ASTN2: variants seen among roughly 807,000 people sequenced by gnomAD.
ASTN2 encodes astrotactin-2.
Under a neutral mutation model 139.8 loss-of-function variants are expected in ASTN2, and 54 were observed. The ratio of observed to expected loss-of-function variants is 0.39; its 90% CI spans 0.31 to 0.48. The LOEUF (loss-of-function observed/expected upper bound fraction) is 0.48, where lower values mean the gene tolerates loss of function less well. Ranked by LOEUF, ASTN2 falls within the 20% of genes least tolerant of loss-of-function variation. The probability of loss-of-function intolerance (pLI) is 0.95; values close to 1 mark genes in which losing one functional copy is unlikely to be tolerated. For missense variants in ASTN2, 1,565 were observed against 1,725.1 expected (o/e 0.91, Z 1.64); for synonymous variants, 756 against 719.5 (o/e 1.05, Z -0.81).
At chr9:116,790,959 GA>G (rs1830517930) in intron 13 of ASTN2, among the ~76,000 whole-genome samples, 1 of 99,032 alleles carries the variant, frequency 1.0e-5, no homozygotes, top group Non-Finnish European at 2.0e-5. Flanking sequence ...AGAAAGAAAA[GA>G]AAGAAGGAAA....
chr9:116,978,493 A>ATG (rs1554766673), intron 7 of ASTN2, among the ~76,000 whole-genome samples: 4 of 123,230 alleles, frequency 3.2e-5, no homozygotes, highest in African/African-American at 1.4e-4. Flanking sequence ...TCTCTCTCTC[A>ATG]CGCACACACA....
At chr9:116,724,981 G>A (rs1197424122) in intron 16 of ASTN2, among the ~76,000 whole-genome samples, 1 of 152,166 alleles carries the variant, frequency 6.6e-6, no homozygotes, top group Admixed American at 6.5e-5. Flanking sequence ...ATTTTCTCAT[G>A]TGTAAAATGG....
intron 2 of ASTN2, among the ~76,000 whole-genome samples, chr9:117,257,710 A>G (rs1331321034): frequency 1.3e-5 from 2 of 152,234 alleles, no homozygotes; most frequent in East Asian, 3.9e-4. Flanking sequence ...TCCACTGTCA[A>G]GCTGGGGAAA....
chr9:116,860,621 C>T (rs1432006572), intron 11 of ASTN2, among the ~76,000 whole-genome samples: 3 of 152,198 alleles, frequency 2.0e-5, no homozygotes, highest in Admixed American at 6.5e-5. Context: ...AACGAGAACT[C>T]ATCTCAGCTC....
intron 4 of ASTN2, among the ~76,000 whole-genome samples, chr9:117,127,101 G>T (rs570545493): frequency 6.6e-6 from 1 of 152,322 alleles, no homozygotes; most frequent in African/African-American, 2.4e-5. Context: ...CACAGATGCT[G>T]ATCTAAGAAT....
chr9:116,787,954 C>G (rs1564267151), intron 13 of ASTN2, among the ~76,000 whole-genome samples: 1 of 152,152 alleles, frequency 6.6e-6, no homozygotes. Context: ...ACTCTCTGTA[C>G]TATCTTTGTG....
At chr9:116,590,106 T>C (rs1854318817) in intron 19 of ASTN2, among the ~76,000 whole-genome samples, 1 of 152,166 alleles carries the variant, frequency 6.6e-6, no homozygotes, top group South Asian at 2.1e-4. Context: ...GAGTGCTCCA[T>C]GGAGCTGGCA....
At chr9:117,070,743 A>G (rs374135323) in intron 5 of ASTN2, among the ~76,000 whole-genome samples, 10 of 150,240 alleles carry the variant, frequency 6.7e-5, no homozygotes, top group Non-Finnish European at 7.4e-5. Context: ...TTCCCTTCTC[A>G]CTTCATTTCA....
chr9:116,665,500 A>G lies in ASTN2; in HGVS notation c.2807-13707T>C, dbSNP rs138226707. Among the ~76,000 whole-genome samples, 877 of 152,326 alleles carry G rather than the reference A, an allele frequency of 5.8e-3. 10 individuals are homozygous for G. Among genetic ancestry groups the G allele is most frequent in the African/African-American group, 0.02 (825 of 41,562 alleles). On this transcript the variant is annotated intron_variant, in intron 16 of 22. Transcript: ENST00000313400. Reference sequence around the variant, plus strand: ...ATAGCTCTGCCTACTGAAAAGGCCTAGAAATAATGATAATGTACTAGGCAA... The same window carrying G: ...ATAGCTCTGCCTACTGAAAAGGCCTGGAAATAATGATAATGTACTAGGCAA...
intron 2 of ASTN2, among the ~76,000 whole-genome samples, chr9:117,245,198 C>T (rs565004983): frequency 1.3e-5 from 2 of 152,256 alleles, no homozygotes; most frequent in Admixed American, 6.5e-5. Flanking sequence ...TTCTGAAAGA[C>T]GAATGCATCC....
At chr9:116,516,170 C>T (rs562741651) in intron 19 of ASTN2, among the ~76,000 whole-genome samples, 95 of 152,284 alleles carry the variant, frequency 6.2e-4, no homozygotes, top group Non-Finnish European at 9.7e-4. Context: ...GGGAATGTGA[C>T]TTGCATTGAC....
At chr9:117,176,702 GT>G (rs1361850594) in intron 3 of ASTN2, among the ~76,000 whole-genome samples, 6 of 152,170 alleles carry the variant, frequency 3.9e-5, no homozygotes, top group Non-Finnish European at 5.9e-5. Flanking sequence ...GGAGGCTGAG[GT>G]GGGAGGCTTG....
chr9:117,233,666 T>C (rs573924759), intron 2 of ASTN2, among the ~76,000 whole-genome samples: 1 of 152,254 alleles, frequency 6.6e-6, no homozygotes, highest in South Asian at 2.1e-4. Context: ...CCTAAAATAA[T>C]TAGCTTGAAT....
chr9:116,467,507 C>T (rs937902723), intron 20 of ASTN2, among the ~76,000 whole-genome samples: 3 of 152,190 alleles, frequency 2.0e-5, no homozygotes, highest in South Asian at 2.1e-4. Context: ...CCTCGTGATC[C>T]GCCTGCCTCA....
chr9:117,156,873 T>C (rs955547948), intron 3 of ASTN2, among the ~76,000 whole-genome samples: 8 of 152,130 alleles, frequency 5.3e-5, no homozygotes, highest in African/African-American at 1.9e-4. Context: ...AAAATCTTAA[T>C]TTGAAATGTC....
intron 1 of ASTN2, among the ~76,000 whole-genome samples, chr9:117,364,954 C>G (rs1385085868): frequency 1.4e-5 from 1 of 69,228 alleles, no homozygotes. Flanking sequence ...CTCTACAACA[C>G]ACACACACAC....
intron 20 of ASTN2, among the ~76,000 whole-genome samples, chr9:116,473,747 A>G (rs1434528935): frequency 2.0e-5 from 3 of 152,176 alleles, no homozygotes; most frequent in African/African-American, 7.2e-5. Context: ...TACTAAAAAT[A>G]CAAAAATTAG....
intron 1 of ASTN2, among the ~76,000 whole-genome samples, chr9:117,378,918 C>G (rs1398552780): frequency 6.6e-6 from 1 of 152,074 alleles, no homozygotes; most frequent in African/African-American, 2.4e-5. Flanking sequence ...TGGTGCTGTT[C>G]TAGGGATAGC....
At chr9:116,729,627 C>G (rs992938327) in intron 14 of ASTN2, among the ~76,000 whole-genome samples, 1 of 152,200 alleles carries the variant, frequency 6.6e-6, no homozygotes, top group Non-Finnish European at 1.5e-5. Context: ...GCAATACAAA[C>G]CACCTGCAAA....
Sources: allele counts gnomAD v4.1 joint callset (sites outside exome capture counted in the v4.1 genomes callset), GRCh38; gene constraint gnomAD v4.1.1; transcripts MANE v1.5; gene names NCBI Gene and HGNC (gene_info 2026-07-23, HGNC 2026-07-21).